Variants in AK5 observed in about 807,000 individuals in gnomAD.
AK5 encodes the protein adenylate kinase isoenzyme 5.
A neutral mutation model predicts 69.5 loss-of-function variants in AK5; 27 were observed. The observed-to-expected ratio is 0.39, with a 90% confidence interval of 0.29 to 0.54. The LOEUF (loss-of-function observed/expected upper bound fraction) is 0.54. AK5 is among the 20% of genes least tolerant of loss of function. AK5 has a pLI of 0.71. For synonymous variants in AK5, 260 were observed against 244.4 expected (o/e 1.06, Z -0.60); for missense variants, 531 against 700.4 (o/e 0.76, Z 2.73).
chr1:77,536,861 T>C (rs1659000579), intron 13 of AK5, among the ~76,000 whole-genome samples: 1 of 152,150 alleles, frequency 6.6e-6, no homozygotes, highest in South Asian at 2.1e-4. Flanking sequence ...GGTAATTAAG[T>C]AAAACAATGA....
At chr1:77,442,211 T>A (rs1005813434) in intron 8 of AK5, among the ~76,000 whole-genome samples, 2 of 152,136 alleles carry the variant, frequency 1.3e-5, no homozygotes, top group African/African-American at 4.8e-5. Flanking sequence ...CAGGGATGAT[T>A]CAAAAGCAGT....
At position 77,341,681 on chromosome 1, in the gene AK5, A is replaced by G. The variant is rs368567362; in HGVS notation, c.891+1113A>G. Among the ~76,000 whole-genome samples, 36 of 152,300 alleles carry G rather than the reference A, an allele frequency of 2.4e-4. 2 individuals carry two copies. The highest frequency in any genetic ancestry group is 7.2e-4 in the African/African-American group (30 of 41,570). Reference sequence around the variant, plus strand: ...ACATTTGAAGAATAATTTCTTTGCAATCTTTTTAGCACCATAAAGAAATAT... The same window carrying G: ...ACATTTGAAGAATAATTTCTTTGCAGTCTTTTTAGCACCATAAAGAAATAT... On this transcript the variant is annotated intron_variant, in intron 6 of 13. Coordinates refer to ENST00000354567, the MANE Select transcript of AK5 (RefSeq NM_174858.3).
chr1:77,459,565 G>C (rs1653702057), intron 8 of AK5, among the ~76,000 whole-genome samples: 1 of 152,158 alleles, frequency 6.6e-6, no homozygotes, highest in Non-Finnish European at 1.5e-5. Context: ...CATCCCTACA[G>C]TTTCTGATTC....
intron 12 of AK5, among the ~76,000 whole-genome samples, chr1:77,533,748 T>G (rs1658801626): frequency 6.6e-6 from 1 of 152,120 alleles, no homozygotes; most frequent in Non-Finnish European, 1.5e-5. Context: ...CCTGTGTCCC[T>G]GAATTATCTT....
rs1660808298 is a variant in AK5 at position 77,326,441 on chromosome 1, A to G, written c.700-13936A>G. Among the ~76,000 whole-genome samples, 4 of 152,106 alleles carry G rather than the reference A, an allele frequency of 2.6e-5. No homozygotes were observed. The South Asian group carries it at 6.2e-4, about 24-fold the overall frequency. ...ACCAGTTTGCCTTTGGAATAACACC[A>G]AAGTTTTTTTTTTTTAAAGTACTTT... is the stretch of plus-strand genomic sequence containing the variant. On this transcript the variant is annotated intron_variant, in intron 5 of 13. Transcript: ENST00000354567.
At chr1:77,450,897 C>T (rs1204713496) in intron 8 of AK5, among the ~76,000 whole-genome samples, 2 of 152,060 alleles carry the variant, frequency 1.3e-5, no homozygotes, top group Non-Finnish European at 2.9e-5. Flanking sequence ...CAAAACTAAG[C>T]TGGTGCAGTG....
intron 10 of AK5, among the ~76,000 whole-genome samples, chr1:77,501,786 G>C (rs1275942464): frequency 2.6e-5 from 4 of 152,156 alleles, no homozygotes; most frequent in Non-Finnish European, 5.9e-5. Flanking sequence ...CAAAATTAGA[G>C]CCCTTGTCTT....
At chr1:77,428,017 C>T (rs1043816298) in intron 8 of AK5, among the ~76,000 whole-genome samples, 3 of 152,162 alleles carry the variant, frequency 2.0e-5, no homozygotes, top group African/African-American at 7.2e-5. Context: ...ACCCAAACAC[C>T]TCTCATAGGC....
At chr1:77,543,678 A>C (rs1418330564) in intron 13 of AK5, among the ~76,000 whole-genome samples, 3 of 152,148 alleles carry the variant, frequency 2.0e-5, no homozygotes, top group Non-Finnish European at 4.4e-5. Flanking sequence ...GACCATAGAC[A>C]TGAACCACTG....
At chr1:77,340,609 T>G (rs1482483830) in intron 6 of AK5, 41 bp downstream of exon 6, 6 of 1,572,708 alleles carry the variant, frequency 3.8e-6, no homozygotes, top group Non-Finnish European at 5.2e-6. Context: ...ACAAGAGCGC[T>G]CTTTCAGATT....
chr1:77,313,446 A>G (rs1660069564), intron 5 of AK5, among the ~76,000 whole-genome samples: 1 of 152,154 alleles, frequency 6.6e-6, no homozygotes, highest in Admixed American at 6.5e-5. Context: ...GAGGTTACCA[A>G]TTCAAAAGCA....
At chr1:77,554,225 T>C (rs1659960223) in intron 13 of AK5, among the ~76,000 whole-genome samples, 1 of 151,960 alleles carries the variant, frequency 6.6e-6, no homozygotes, top group Non-Finnish European at 1.5e-5. Flanking sequence ...CACTGAAAAA[T>C]CTATGTGCTT....
intron 6 of AK5, among the ~76,000 whole-genome samples, chr1:77,369,447 C>T (rs1647078845): frequency 6.6e-6 from 1 of 152,022 alleles, no homozygotes; most frequent in Non-Finnish European, 1.5e-5. Flanking sequence ...CCCTAATTTT[C>T]TTCTTCAAAT....
At chr1:77,518,469 G>A in intron 10 of AK5, 95 bp from the exon 11 acceptor site, 1 of 1,319,082 alleles carries the variant, frequency 7.6e-7, no homozygotes, top group Non-Finnish European at 1.1e-6. Context: ...CATGCTTAGT[G>A]ACTGGAACAC....
rs972554564 is a variant in AK5, at chr1:77,458,117, A to C, written c.1060-25200A>C. On this transcript the variant is annotated intron_variant, in intron 8 of 13. Coordinates refer to ENST00000354567, the MANE Select transcript of AK5 (RefSeq NM_174858.3). ...GCCCCATTTCTTAAAAAAAAAAAAA[A>C]AAAAAGGGCAAAACAAAACAAATGT... Among the ~76,000 whole-genome samples, 3 of 151,838 alleles carry C rather than the reference A, an allele frequency of 2.0e-5. No homozygotes were observed. The South Asian group carries it at 6.2e-4, about 32-fold the overall frequency.
chr1:77,480,005 T>A (rs1655162666), intron 8 of AK5, among the ~76,000 whole-genome samples: 1 of 152,166 alleles, frequency 6.6e-6, no homozygotes, highest in African/African-American at 2.4e-5. Flanking sequence ...ATTCTGAAAT[T>A]AATGCCTTTC....
rs1662105007 is a variant in AK5 at position 77,349,845 on chromosome 1, G to C, written c.891+9277G>C. 1.3e-5 allele frequency among the ~76,000 whole-genome samples: 2 copies of C among 152,088 alleles called. 1 individual carries two copies. Among genetic ancestry groups the C allele is most frequent in the African/African-American group, 4.8e-5 (2 of 41,426 alleles). On this transcript the variant is annotated intron_variant, in intron 6 of 13. Transcript: ENST00000354567. ...CCTACAAATCGAACGTAAAACTGAG[G>C]CTTCAGTTCTGGGACAGGCAAAGCA...
At chr1:77,358,067 A>T (rs2100429438) in intron 6 of AK5, among the ~76,000 whole-genome samples, 1 of 147,378 alleles carries the variant, frequency 6.8e-6, no homozygotes, top group African/African-American at 2.5e-5. Context: ...GTGCTCATCT[A>T]TGGGTGGGTG....
rs368310384 is a variant in AK5 at position 77,289,422 on chromosome 1, AATAC to A, written c.247+2300_247+2303del. On this transcript the variant is annotated intron_variant, in intron 2 of 13. Coordinates refer to ENST00000354567, the MANE Select transcript of AK5 (RefSeq NM_174858.3). ...ATACTTAATGTCTGGCTCCCTGTTA[AATAC>A]ATACCCCATACTTTTGTTACATCAA... Among the ~76,000 whole-genome samples the A allele has an allele frequency of 2.3e-3, 348 of 152,280 alleles. 3 individuals are homozygous for A. Among genetic ancestry groups the A allele is most frequent in the African/African-American group, 8.3e-3 (343 of 41,544 alleles).
Sources: allele counts gnomAD v4.1 joint callset (sites outside exome capture counted in the v4.1 genomes callset), GRCh38; gene constraint gnomAD v4.1.1; transcripts MANE v1.5; gene names NCBI Gene and HGNC (gene_info 2026-07-23, HGNC 2026-07-21).